DCAF8L2: variants seen among roughly 807,000 people sequenced by gnomAD.
DCAF8L2 encodes the protein DDB1 and CUL4 associated factor 8 like 2, also known as DDB1- and CUL4-associated factor 8-like protein 2.
For synonymous variants in DCAF8L2, 200 were observed against 190.9 expected, an observed-to-expected ratio of 1.05 and a Z score of -0.39; for missense variants, 430 against 490.7, an observed-to-expected ratio of 0.88 and a Z score of 1.17.
chrX:27,495,320 A>C, the DCAF8L2 span, among the ~76,000 whole-genome samples: 3 of 111,667 alleles, frequency 2.7e-5, no homozygotes, highest in South Asian at 1.1e-3. Context: ...CTTTGTACTA[A>C]GTTTTGAAAT....
intron 2 of DCAF8L2, among the ~76,000 whole-genome samples, chrX:27,637,977 T>A (rs1301236678): frequency 9.0e-6 from 1 of 111,442 alleles, no homozygotes; most frequent in African/African-American, 3.3e-5. Context: ...AAGCAAGATT[T>A]ATTGGGAAAA....
At chrX:27,472,269 C>A in the DCAF8L2 span, among the ~76,000 whole-genome samples, 2 of 111,786 alleles carry the variant, frequency 1.8e-5, no homozygotes, top group Non-Finnish European at 3.8e-5. Context: ...TTCTTATCCC[C>A]CATCCCCCTC....
intron 2 of DCAF8L2, among the ~76,000 whole-genome samples, chrX:27,647,420 G>A (rs1402688359): frequency 9.0e-6 from 1 of 111,053 alleles, no homozygotes; most frequent in Middle Eastern, 4.2e-3. Flanking sequence ...GAAGAGTGGA[G>A]GTGGGGAGAG....
At chrX:27,543,297 G>A in the DCAF8L2 span, among the ~76,000 whole-genome samples, 2 of 111,883 alleles carry the variant, frequency 1.8e-5, no homozygotes, top group Non-Finnish European at 3.8e-5. Flanking sequence ...GGTTGTAGGT[G>A]TGCAGCTTTA....
chrX:27,529,662 A>G, the DCAF8L2 span, among the ~76,000 whole-genome samples: 4 of 112,177 alleles, frequency 3.6e-5, no homozygotes, highest in African/African-American at 1.3e-4. Flanking sequence ...TTTTTAAGCA[A>G]TACTTTGAGC....
At chrX:27,547,871 T>C in the DCAF8L2 span, among the ~76,000 whole-genome samples, 494 of 18,990 alleles carry the variant, frequency 0.026, 3 homozygotes, top group Middle Eastern at 0.05. Flanking sequence ...CTCTCTCTCT[T>C]TCTCTCTCTC....
upstream of DCAF8L2, among the ~76,000 whole-genome samples, chrX:27,588,168 G>A (rs1335347516): frequency 9.3e-6 from 1 of 107,691 alleles, no homozygotes; most frequent in Non-Finnish European, 1.9e-5. Context: ...TTGCTCCCTC[G>A]GTCCCCAGTA....
chrX:27,705,667 C>T (rs1931319055), intron 3 of DCAF8L2, among the ~76,000 whole-genome samples: 1 of 111,326 alleles, frequency 9.0e-6, no homozygotes, highest in Non-Finnish European at 1.9e-5. Context: ...ACTTAAGTCC[C>T]TTATAGATGC....
the DCAF8L2 span, among the ~76,000 whole-genome samples, chrX:27,503,271 G>T: frequency 4.6e-4 from 51 of 110,884 alleles, no homozygotes; most frequent in Admixed American, 3.7e-3. Flanking sequence ...TTACTGACAG[G>T]ATATATGCAG....
the DCAF8L2 span, among the ~76,000 whole-genome samples, chrX:27,565,721 C>T: frequency 9.0e-6 from 1 of 111,333 alleles, no homozygotes; most frequent in Non-Finnish European, 1.9e-5. Context: ...GTCTCACGAC[C>T]AAGGAGTGTG....
the DCAF8L2 span, among the ~76,000 whole-genome samples, chrX:27,503,948 AAG>A: frequency 8.9e-6 from 1 of 112,312 alleles, no homozygotes; most frequent in Non-Finnish European, 1.9e-5. Context: ...AGAAATTAAA[AAG>A]AATATGATGA....
intron 2 of DCAF8L2, among the ~76,000 whole-genome samples, chrX:27,642,379 C>T (rs946398724): frequency 9.0e-6 from 1 of 111,339 alleles, no homozygotes; most frequent in African/African-American, 3.3e-5. Context: ...TAGTGTATTT[C>T]TAATCTGGCT....
the DCAF8L2 span, among the ~76,000 whole-genome samples, chrX:27,487,740 T>A: frequency 8.9e-6 from 1 of 112,416 alleles, no homozygotes; most frequent in Non-Finnish European, 1.9e-5. Context: ...TTAACAATAC[T>A]ACCATAGCAA....
chrX:27,488,613 A>T, the DCAF8L2 span, among the ~76,000 whole-genome samples: 1 of 107,876 alleles, frequency 9.3e-6, no homozygotes, highest in Admixed American at 1.0e-4. Context: ...GGGAATAAAG[A>T]TGTACACGCA....
intron 4 of DCAF8L2, among the ~76,000 whole-genome samples, chrX:27,736,612 C>T (rs1013259741): frequency 8.9e-6 from 1 of 112,150 alleles, no homozygotes; most frequent in Admixed American, 9.5e-5. Context: ...TCTTGCCTTG[C>T]CTGTCTCCAA....
chrX:27,652,693 G>T (rs1255747788), intron 2 of DCAF8L2, among the ~76,000 whole-genome samples: 1 of 111,987 alleles, frequency 8.9e-6, no homozygotes, highest in African/African-American at 3.2e-5. Flanking sequence ...ACCCACTTCT[G>T]ATATGAAATA....
At chrX:27,528,328 A>C in the DCAF8L2 span, among the ~76,000 whole-genome samples, 3 of 107,443 alleles carry the variant, frequency 2.8e-5, no homozygotes, top group African/African-American at 1.0e-4. Flanking sequence ...TTTCTCACAC[A>C]GGAAGATGGT....
At chrX:27,534,385 A>G in the DCAF8L2 span, among the ~76,000 whole-genome samples, 116 of 111,829 alleles carry the variant, frequency 1.0e-3, no homozygotes, top group African/African-American at 3.7e-3. Flanking sequence ...ATGTAGATAG[A>G]TACATATATA....
chrX:27,607,230 T>C (rs979370860), intron 1 of DCAF8L2, among the ~76,000 whole-genome samples: 5 of 112,162 alleles, frequency 4.5e-5, no homozygotes, highest in Non-Finnish European at 1.9e-5. Flanking sequence ...AATTAAACAT[T>C]TCAGAACACC....
Sources: gnomAD v4.1 joint callset for allele counts (sites outside exome capture counted in the v4.1 genomes callset) on GRCh38, gnomAD v4.1.1 for gene constraint, MANE v1.5 for transcripts, NCBI Gene and HGNC (gene_info 2026-07-23, HGNC 2026-07-21) for gene names.